The following CCBE1 variants were observed in gnomAD, a reference collection of about 807,000 sequenced individuals.
CCBE1 encodes collagen and calcium binding EGF domains 1.
Under a neutral mutation model 50.0 loss-of-function variants are expected in CCBE1, and 37 were observed. That is an observed-to-expected ratio of 0.74 (90% confidence interval 0.57 to 0.97). The LOEUF (loss-of-function observed/expected upper bound fraction) is 0.97, where lower values mean the gene tolerates loss of function less well. CCBE1 is among the 50% of genes least tolerant of loss of function. The pLI, the probability that CCBE1 is intolerant of heterozygous loss-of-function variation, is 0.00. For missense variants in CCBE1, 538 were observed against 523.8 expected (o/e 1.03, Z -0.26); for synonymous variants, 234 against 203.7 (o/e 1.15, Z -1.27).
intron 5 of CCBE1, 33 bp from the exon 6 acceptor site, chr18:59,454,984 G>C (rs1220448417): frequency 6.5e-7 from 1 of 1,546,548 alleles, no homozygotes. Flanking sequence ...TCCTGTCTGG[G>C]AGGCTGGATG....
At chr18:59,692,288 A>G in intron 2 of CCBE1, among the ~76,000 whole-genome samples, 1 of 152,230 alleles carries the variant, frequency 6.6e-6, no homozygotes, top group East Asian at 1.9e-4. Flanking sequence ...AAAGCATTTT[A>G]CATGTATTAA....
At chr18:59,661,966 T>TAAA (rs34765491) in intron 2 of CCBE1, among the ~76,000 whole-genome samples, 5,847 of 148,720 alleles carry the variant, frequency 0.039, 155 homozygotes, top group African/African-American at 0.072. Context: ...GACTCAGTCT[T>TAAA]AAAAAAAAAA....
chr18:59,643,757 C>T (rs115799805), intron 2 of CCBE1, among the ~76,000 whole-genome samples: 2,398 of 139,930 alleles, frequency 0.017, 38 homozygotes, highest in Middle Eastern at 0.062. Flanking sequence ...CAGGGGTAGA[C>T]GTTGCAATGA....
At chr18:59,502,718 CAA>C (rs1913682451) in intron 2 of CCBE1, among the ~76,000 whole-genome samples, 4 of 152,066 alleles carry the variant, frequency 2.6e-5, no homozygotes, top group Admixed American at 6.5e-5. Context: ...ACAGCAGATA[CAA>C]AGTCATAAAT....
At chr18:59,503,137 T>A (rs1352076047) in intron 2 of CCBE1, among the ~76,000 whole-genome samples, 1 of 152,162 alleles carries the variant, frequency 6.6e-6, no homozygotes, top group Non-Finnish European at 1.5e-5. Flanking sequence ...CACTGTGACA[T>A]GAGGACAGCT....
At chr18:59,475,015 T>C (rs1912239694) in intron 3 of CCBE1, among the ~76,000 whole-genome samples, 1 of 152,208 alleles carries the variant, frequency 6.6e-6, no homozygotes. Context: ...CTCCTCCTCC[T>C]GCCCTGCCCA....
rs1416718560 is a variant in CCBE1 at position 59,433,856 on chromosome 18, T to A, written c.*2052A>T. On this transcript the variant is annotated 3_prime_UTR_variant, in exon 11 of 11. Coordinates refer to ENST00000439986, the MANE Select transcript of CCBE1 (RefSeq NM_133459.4). ...ATCCGCCCGCCTCGGCCTCCCAAAG[T>A]GCTGGGATTACAGGCATGAGCCACC... is the stretch of plus-strand genomic sequence containing the variant. 5 of 140,948 alleles carry A rather than the reference T, an allele frequency of 3.5e-5. No individual in the cohort carries two copies. In the East Asian group the frequency reaches 1.1e-3, roughly 30 times the overall value. The allele number at this position is 140,948 out of a possible 1,614,324, so 8.7% of individuals were successfully genotyped here. A position where few individuals can be genotyped will look rare whatever the true frequency, so the allele number is the denominator to read the frequency against.
At chr18:59,532,889 G>C (rs1427810003) in intron 2 of CCBE1, among the ~76,000 whole-genome samples, 2 of 152,142 alleles carry the variant, frequency 1.3e-5, no homozygotes, top group Non-Finnish European at 2.9e-5. Context: ...CCCATCAATG[G>C]TACACAGGAC....
chr18:59,580,473 T>A (rs548367497), intron 2 of CCBE1, among the ~76,000 whole-genome samples: 7 of 152,210 alleles, frequency 4.6e-5, no homozygotes, highest in Non-Finnish European at 1.0e-4. Flanking sequence ...CCTGAGGATG[T>A]GTCATGGGCA....
intron 2 of CCBE1, among the ~76,000 whole-genome samples, chr18:59,669,981 C>T (rs933031474): frequency 6.6e-5 from 10 of 152,174 alleles, no homozygotes; most frequent in Admixed American, 3.9e-4. Flanking sequence ...TTGGCTGCTA[C>T]GAAGTAACAG....
At chr18:59,452,963 G>A (rs937057868) in intron 6 of CCBE1, among the ~76,000 whole-genome samples, 8 of 152,152 alleles carry the variant, frequency 5.3e-5, no homozygotes, top group Non-Finnish European at 8.8e-5. Flanking sequence ...ATGACCTCGT[G>A]GATTTTTATG....
chr18:59,633,469 T>C (rs895301713), intron 2 of CCBE1, among the ~76,000 whole-genome samples: 1 of 152,242 alleles, frequency 6.6e-6, no homozygotes, highest in East Asian at 1.9e-4. Flanking sequence ...GCCAACAGCA[T>C]TAGTTCTTCC....
intron 2 of CCBE1, among the ~76,000 whole-genome samples, chr18:59,645,012 T>C (rs931884534): frequency 6.6e-6 from 1 of 152,184 alleles, no homozygotes; most frequent in Non-Finnish European, 1.5e-5. Context: ...TCCCAGCACT[T>C]TGGGAGGCCG....
At chr18:59,618,436 G>GTTTT (rs1458037196) in intron 2 of CCBE1, among the ~76,000 whole-genome samples, 1 of 141,630 alleles carries the variant, frequency 7.1e-6, no homozygotes, top group Non-Finnish European at 1.6e-5. Flanking sequence ...CCTTAGAAAA[G>GTTTT]TTTTTTTTTT....
At chr18:59,638,757 C>T (rs2053946649) in intron 2 of CCBE1, among the ~76,000 whole-genome samples, 1 of 152,118 alleles carries the variant, frequency 6.6e-6, no homozygotes. Context: ...CAAATGTCTT[C>T]AAGAAACAAC....
At chr18:59,442,241 C>T (rs939609510) in intron 7 of CCBE1, among the ~76,000 whole-genome samples, 1 of 152,068 alleles carries the variant, frequency 6.6e-6, no homozygotes, top group Non-Finnish European at 1.5e-5. Context: ...ATACAGGCTT[C>T]TGAAAGTTAA....
At chr18:59,617,571 T>C (rs1261548649) in intron 2 of CCBE1, among the ~76,000 whole-genome samples, 3 of 152,216 alleles carry the variant, frequency 2.0e-5, no homozygotes, top group Non-Finnish European at 4.4e-5. Context: ...GTGCAGGAGC[T>C]TGGATGAAAG....
chr18:59,477,563 T>TGTGTGTGTGTGTGTGTGC (rs1281589585), intron 3 of CCBE1, among the ~76,000 whole-genome samples: 1 of 151,914 alleles, frequency 6.6e-6, no homozygotes, highest in African/African-American at 2.4e-5. Flanking sequence ...TGTGTGTGTG[T>TGTGTGTGTGTGTGTGTGC]GTGCACCTGC....
intron 2 of CCBE1, among the ~76,000 whole-genome samples, chr18:59,565,372 G>A (rs2052807305): frequency 6.6e-6 from 1 of 152,194 alleles, no homozygotes; most frequent in Non-Finnish European, 1.5e-5. Flanking sequence ...ATCAGAGAAG[G>A]GCTGCAAAGG....
Sources: allele counts gnomAD v4.1 joint callset (sites outside exome capture counted in the v4.1 genomes callset), GRCh38; gene constraint gnomAD v4.1.1; transcripts MANE v1.5; gene names NCBI Gene and HGNC (gene_info 2026-07-23, HGNC 2026-07-21).